MTMR4: variants seen among roughly 807,000 people sequenced by gnomAD.
The protein encoded by MTMR4 is phosphatidylinositol-3,5-bisphosphate 3-phosphatase MTMR4.
A neutral mutation model predicts 125.5 loss-of-function variants in MTMR4; 30 were observed. The ratio of observed to expected loss-of-function variants is 0.24; its 90% CI spans 0.18 to 0.32. MTMR4 has a LOEUF of 0.32. MTMR4 is among the 10% of genes least tolerant of loss of function. The pLI, the probability that MTMR4 is intolerant of heterozygous loss-of-function variation, is 1.00. For synonymous variants in MTMR4, 498 were observed against 564.5 expected (o/e 0.88, Z 1.67); for missense variants, 1,039 against 1,511.5 (o/e 0.69, Z 5.18).
In MTMR4 at chr17:58,496,052, C is replaced by T. The variant is rs1476307353; in HGVS notation, c.2132G>A (p.Ser711Asn). ...LSNKPFKSHK[S>N]CSPSYKLLNT... Reference sequence around the variant, plus strand: ...AAGCAGTTTGTAACTTGGAGAACAGCTTTTGTGACTCTTGAAAGGTTTATT... The same window carrying T: ...AAGCAGTTTGTAACTTGGAGAACAGTTTTTGTGACTCTTGAAAGGTTTATT... Residue 711 changes from serine to asparagine, a missense_variant, in exon 15 of 18, where the codon AGC (serine) becomes AAC (asparagine). Around this residue, in one of 6 missense-constraint regions of MTMR4, gnomAD observed 619 missense variants for 714.5 expected, o/e 0.87. Coordinates refer to ENST00000682306, the MANE Select transcript of MTMR4 (RefSeq NM_001378067.1). 6.2e-7 allele frequency: 1 copy of T among 1,614,190 alleles called. No homozygotes were observed. The highest frequency in any genetic ancestry group is 1.1e-5 in the South Asian group (1 of 91,088).
At chr17:58,503,987 G>T in intron 13 of MTMR4, 63 bp downstream of exon 13, 1 of 1,544,554 alleles carries the variant, frequency 6.5e-7, no homozygotes, top group South Asian at 1.3e-5. Flanking sequence ...TTTCCCTACT[G>T]ACTCAGCTGC....
chr17:58,491,930 G>A, intron 17 of MTMR4, 90 bp from the exon 18 acceptor site: 1 of 1,281,624 alleles, frequency 7.8e-7, no homozygotes, highest in Non-Finnish European at 1.1e-6. Flanking sequence ...CTGCACTTTG[G>A]TAGGCTGAGG....
chr17:58,507,382 G>C (rs990962578), intron 7 of MTMR4, 63 bp from the exon 8 acceptor site: 16 of 1,502,572 alleles, frequency 1.1e-5, no homozygotes, highest in Non-Finnish European at 1.4e-5. Flanking sequence ...CCTACCTCAG[G>C]GGGTTAGACC....
intron 9 of MTMR4, 72 bp downstream of exon 9, chr17:58,506,671 G>A: frequency 1.3e-6 from 2 of 1,569,214 alleles, no homozygotes; most frequent in South Asian, 1.2e-5. Flanking sequence ...TATACAAATG[G>A]CCCCCAACCC....
rs1975798545 is a variant in MTMR4 at position 58,507,114 on chromosome 17, AC to A, written c.904+8del. On this transcript the variant is annotated splice_region_variant and intron_variant, in intron 8 of 17. Transcript: ENST00000682306. The stretch of plus-strand genomic sequence containing the variant: ...GCTCCCTGGGGGGTTAGCATCATCC[AC>A]ACCTTACCAAAGTCAGCATCACACG... 3 of 1,613,912 alleles carry A rather than the reference AC, an allele frequency of 1.9e-6. No individual in the cohort carries two copies. Among genetic ancestry groups the A allele is most frequent in the Non-Finnish European group, 1.7e-6 (2 of 1,179,974 alleles).
chr17:58,494,820 A>C, intron 15 of MTMR4, 112 bp downstream of exon 15: 1 of 929,430 alleles, frequency 1.1e-6, no homozygotes, highest in Non-Finnish European at 1.6e-6. Context: ...CCTATAGCCC[A>C]GGCACCTAAC....
At position 58,507,185 on chromosome 17, in the gene MTMR4, G is replaced by A. The variant is rs1975801418; in HGVS notation, c.842C>T (p.Ala281Val). The A allele has an allele frequency of 1.9e-6, 3 of 1,614,146 alleles. No individual in the cohort carries two copies. The highest frequency in any genetic ancestry group is 1.7e-6 in the Non-Finnish European group (2 of 1,180,010). Residue 281 changes from alanine (A) to valine (V), a missense_variant, in exon 8 of 18, where the codon GCC (alanine) becomes GTC (valine). By Grantham distance (64) the Ala-to-Val change is moderately conservative (BLOSUM62 0). This residue lies in a region of MTMR4 where 49 missense variants were observed against 68.4 expected (regional missense o/e 0.72). Coordinates refer to ENST00000682306, the MANE Select transcript of MTMR4 (RefSeq NM_001378067.1). ...CCCGGTGCTGAGGGAGCCCCCAGTG[G>A]CCCTTGTCCCCGGGTCCAGGGCACA... ...KACALDPGTR[A>V]TGGSLSTGNN... is the part of the protein sequence containing the mutation.
rs756251128 is a variant in MTMR4 at position 58,512,437 on chromosome 17, T to C, written c.205A>G (p.Ile69Val). Residue 69 changes from isoleucine to valine, a missense_variant, in exon 3 of 18, where the codon ATC becomes GTC. Ile to Val is a conservative substitution (Grantham distance 29). Coordinates refer to ENST00000682306, the MANE Select transcript of MTMR4 (RefSeq NM_001378067.1). The surrounding 1 kb of genome is among the most constrained non-coding windows in gnomAD (Gnocchi z 4.1). Reference protein sequence around the residue: ...LGRAADALIAISNYRLHIKFK... With the variant: ...LGRAADALIAVSNYRLHIKFK... ...TTGATATGCAGCCGGTAGTTAGAGA[T>C]GGCAATGAGGGCATCGGCTGCCCGG... 6 of 1,614,160 alleles carry C rather than the reference T, an allele frequency of 3.7e-6. No individual in the cohort carries two copies. The highest frequency in any genetic ancestry group is 5.1e-6 in the Non-Finnish European group (6 of 1,180,012).
Position 58,503,814 on chromosome 17 carries a change from C to T in MTMR4, c.1783G>A (p.Glu595Lys). The change falls in exon 14 of 18, where the codon GAA becomes AAA. Residue 595 changes from glutamate to lysine, a missense_variant. This residue lies in a region of MTMR4 where 619 missense variants were observed against 714.5 expected (regional missense o/e 0.87). Transcript: ENST00000682306. ...GAAAGGTAAAGATCCATGTTTTCTT[C>T]CCCAAGTGTGCATGGAGATGATGCT... ...LPASSPCTLGEENMDLYLSPV... is the reference protein window; with the variant it reads ...LPASSPCTLGKENMDLYLSPV... The T allele has an allele frequency of 1.2e-6, 2 of 1,614,156 alleles. No homozygotes were observed. Among genetic ancestry groups the T allele is most frequent in the Non-Finnish European group, 1.7e-6 (2 of 1,180,026 alleles).
Position 58,512,742 on chromosome 17 carries a change from T to C in MTMR4, c.135+110A>G. On this transcript the variant is annotated intron_variant, in intron 2 of 17. Transcript: ENST00000682306. The surrounding 1 kb of genome is among the most constrained non-coding windows in gnomAD (Gnocchi z 4.1). ...CTCCTCCTCCAGAGACCAGGGAACATGAAGCCAGAGCTCTGGTACCAGATG... is the reference window on the plus strand; with the variant it reads ...CTCCTCCTCCAGAGACCAGGGAACACGAAGCCAGAGCTCTGGTACCAGATG... The C allele has an allele frequency of 1.0e-6, 1 of 980,670 alleles. No homozygotes were observed. 60.7% of individuals were successfully genotyped at this position (980,670 alleles called of 1,614,324 possible).
In MTMR4 at chr17:58,491,821, A is replaced by G; in HGVS notation, c.3472T>C (p.Cys1158Arg). 6.2e-7 allele frequency: 1 copy of G among 1,612,920 alleles called. No individual in the cohort carries two copies. Among genetic ancestry groups the G allele is most frequent in the Non-Finnish European group, 8.5e-7 (1 of 1,179,020 alleles). ...AGCTTCAGGTGGCAGCATCCAGCAC[A>G]AAATACATTCCCACAATTTCTGTCA... ...HHCRNCGNVF[C>R]AGCCHLKLPI... The change falls in exon 18 of 18, where the codon TGT becomes CGT. Residue 1158 changes from cysteine (C) to arginine (R), a missense_variant. By Grantham distance (180) the Cys-to-Arg change is radical. Transcript: ENST00000682306.
chr17:58,503,871 C>T lies in MTMR4; in HGVS notation c.1726G>A (p.Ala576Thr). Residue 576 changes from alanine to threonine, a missense_variant, in exon 14 of 18, where the codon GCC (alanine) becomes ACC (threonine). Physicochemically the swap from Ala to Thr is moderately conservative, Grantham distance 58 (BLOSUM62 0). This residue lies in a region of MTMR4 where 619 missense variants were observed against 714.5 expected (regional missense o/e 0.87). Coordinates refer to ENST00000682306, the MANE Select transcript of MTMR4 (RefSeq NM_001378067.1). The part of the protein sequence containing the change: ...MVLHPVCHVR[A>T]LHLWTAVYLP... ...TAAACAGCTGTCCAGAGGTGCAGGG[C>T]CCGGACATGACAAACAGGATGCAGG... 1 of 1,614,002 alleles carries T rather than the reference C, an allele frequency of 6.2e-7. No homozygotes were observed. The highest frequency in any genetic ancestry group is 8.5e-7 in the Non-Finnish European group (1 of 1,179,968).
At chr17:58,506,635 G>T in intron 9 of MTMR4, 108 bp downstream of exon 9, 1 of 1,421,140 alleles carries the variant, frequency 7.0e-7, no homozygotes, top group Non-Finnish European at 9.5e-7. Flanking sequence ...GTGATTACAA[G>T]CCAGGTTTGT....
chr17:58,517,949 C>T (rs145673269), upstream of MTMR4: 124 of 152,872 alleles, frequency 8.1e-4, 6 homozygotes, highest in East Asian at 0.023. Flanking sequence ...AGCCTGTACC[C>T]GCCCTGGCCA....
intron 10 of MTMR4, 132 bp downstream of exon 10, chr17:58,505,340 C>T (rs754161531): frequency 4.7e-5 from 34 of 721,492 alleles, no homozygotes; most frequent in East Asian, 8.5e-5. Context: ...AACTAGCCCA[C>T]GGCACCCAAC....
rs764085228 is a variant in MTMR4, at chr17:58,508,863, GC to G, written c.336-23del. 1.2e-5 allele frequency: 19 copies of G among 1,605,160 alleles called. No homozygotes were observed. Among genetic ancestry groups the G allele is most frequent in the Non-Finnish European group, 1.6e-5 (19 of 1,172,950 alleles). ...GCACCTGCCAGGCAAGAAGCCACAG[GC>G]CTAGGTGAGGCAAAGTGCAGTTGTG... is the stretch of plus-strand genomic sequence containing the variant. On this transcript the variant is annotated intron_variant, in intron 4 of 17. Transcript: ENST00000682306. This position sits in a 1 kb window ranked among gnomAD's most constrained non-coding sequence, Gnocchi z 4.8.
At chr17:58,511,219 C>A in intron 4 of MTMR4, 1 of 500,140 alleles carries the variant, frequency 2.0e-6, no homozygotes, top group Non-Finnish European at 3.6e-6. Context: ...ACGATGACTC[C>A]ATGAACTAGG....
intron 1 of MTMR4, 118 bp from the exon 2 acceptor site, chr17:58,513,059 T>G: frequency 1.3e-6 from 1 of 755,172 alleles, no homozygotes. Context: ...CTAAAGGTTC[T>G]GGTCACCAGA....
At position 58,492,931 on chromosome 17, in the gene MTMR4, C is replaced by A. The variant is rs1474124340; in HGVS notation, c.3274G>T (p.Gly1092Cys). 1 of 1,614,184 alleles carries A rather than the reference C, an allele frequency of 6.2e-7. No individual in the cohort carries two copies. The highest frequency in any genetic ancestry group is 8.5e-7 in the Non-Finnish European group (1 of 1,180,010). ...GAGCCAAAATCCTCAGTATCACTGC[C>A]ATCTGACTCCTTCAAACATGTCTGA... is the stretch of plus-strand genomic sequence containing the variant. ...DDFTCLKESD[G>C]SDTEDFGSDH... The change falls in exon 16 of 18, where the codon GGC (glycine) becomes TGC (cysteine). Residue 1092 changes from glycine to cysteine, a missense_variant. By Grantham distance (159) the Gly-to-Cys change is radical. Transcript: ENST00000682306.
Sources: gnomAD v4.1 joint callset for allele counts on GRCh38, gnomAD v4.1.1 for gene constraint, gnomAD v4.1.1 regional missense constraint, Gnocchi (gnomAD v3.1) non-coding constraint, MANE v1.5 for transcripts, NCBI Gene and HGNC (gene_info 2026-07-23, HGNC 2026-07-21) for gene names.